Variants in PRL observed in about 807,000 individuals in gnomAD.
The protein encoded by PRL is decidual prolactin.
PRL carries 24 observed loss-of-function variants against 21.3 expected under a neutral mutation model. The observed-to-expected ratio is 1.13, with a 90% CI of 0.82 to 1.59. The LOEUF (loss-of-function observed/expected upper bound fraction) is 1.59. Ranked by LOEUF, PRL falls within the 40% of genes most tolerant of loss-of-function variation. The probability of loss-of-function intolerance (pLI) is 0.00; values close to 1 mark genes in which losing one functional copy is unlikely to be tolerated. For missense variants in PRL, 243 were observed against 286.9 expected (o/e 0.85, Z 1.10); for synonymous variants, 118 against 115.7 (o/e 1.02, Z -0.13).
In PRL at chr6:22,288,874, A is replaced by ATGCGCG. The variant is rs749222011; in HGVS notation, c.493-1287_493-1282dup. 4.6e-5 allele frequency among the ~76,000 whole-genome samples: 7 copies of ATGCGCG among 151,192 alleles called. No homozygotes were observed. Among genetic ancestry groups the ATGCGCG allele is most frequent in the Non-Finnish European group, 8.8e-5 (6 of 67,816 alleles). On this transcript the variant is annotated intron_variant, in intron 4 of 4. Coordinates refer to ENST00000306482, the MANE Select transcript of PRL (RefSeq NM_000948.6). This position sits in a 1 kb window ranked among gnomAD's most constrained non-coding sequence, Gnocchi z 4.5. ...TGGAATTTAAAGTGTGTGTGTGTGT[A>ATGCGCG]TGCGCGTGCGCGTGTGTGTGCGTGT...
chr6:22,301,359 A>G (rs181465980), upstream of PRL, among the ~76,000 whole-genome samples: 324 of 152,332 alleles, frequency 2.1e-3, 1 homozygote, highest in Admixed American at 8.2e-3. Context: ...TAGAACAGAA[A>G]GCTATAGCGA....
At position 22,294,500 on chromosome 6, in the gene PRL, C is replaced by T. The variant is rs751952340; in HGVS notation, c.113G>A (p.Arg38Gln). The T allele has an allele frequency of 6.2e-6, 10 of 1,613,998 alleles. No individual in the cohort carries two copies. The Admixed American group carries it at 1.2e-4, about 19-fold the overall frequency. The change falls in exon 2 of 5, where the codon CGA becomes CAA. Residue 38 changes from arginine (R) to glutamine (Q), a missense_variant. Arg to Gln is a conservative substitution (Grantham distance 43). Transcript: ENST00000306482. ...PLPICPGGAA[R>Q]CQVTLRDLFD... ...CAGGTCTCGAAGGGTCACCTGGCAT[C>T]GGGCAGCCCCGCCGGGACAGATGGG...
intron 4 of PRL, among the ~76,000 whole-genome samples, chr6:22,289,180 A>G (rs185592854): frequency 1.7e-4 from 26 of 152,306 alleles, no homozygotes; most frequent in Admixed American, 1.6e-3. Flanking sequence ...AAATCAAGGT[A>G]TTTATTTCAC....
chr6:22,290,441 T>C, intron 3 of PRL, 88 bp from the exon 4 acceptor site: 1 of 1,106,630 alleles, frequency 9.0e-7, no homozygotes, highest in Non-Finnish European at 1.2e-6. Context: ...GAGGCTGTAC[T>C]GAAATATCTT....
At chr6:22,292,681 T>A in intron 2 of PRL, 36 bp from the exon 3 acceptor site, 1 of 1,559,562 alleles carries the variant, frequency 6.4e-7, no homozygotes, top group Non-Finnish European at 8.8e-7. Flanking sequence ...TAGTTGGGGT[T>A]GTTTGGGCAT....
At chr6:22,300,424 A>G (rs1464100894), upstream of PRL, among the ~76,000 whole-genome samples, 3 of 152,222 alleles carry the variant, frequency 2.0e-5, no homozygotes, top group Non-Finnish European at 4.4e-5. Flanking sequence ...CAGATGTCCA[A>G]ATAAGGCAAA....
chr6:22,289,270 T>A (rs1369210378), intron 4 of PRL, among the ~76,000 whole-genome samples: 3 of 152,194 alleles, frequency 2.0e-5, no homozygotes, highest in African/African-American at 7.2e-5. Context: ...TGATACATGA[T>A]AACATGTACT....
At chr6:22,289,852 C>T (rs563836832) in intron 4 of PRL, among the ~76,000 whole-genome samples, 1 of 152,126 alleles carries the variant, frequency 6.6e-6, no homozygotes, top group African/African-American at 2.4e-5. Flanking sequence ...GGATACCCTG[C>T]AGAAAGCATG....
intron 1 of PRL, 86 bp from the exon 2 acceptor site, chr6:22,294,670 G>T (rs1381355154): frequency 7.2e-7 from 1 of 1,395,102 alleles, no homozygotes; most frequent in Admixed American, 2.6e-5. Flanking sequence ...AAGCCTTATT[G>T]CTCCCCACTG....
intron 1 of PRL, among the ~76,000 whole-genome samples, chr6:22,296,528 A>T (rs1387928028): frequency 6.6e-6 from 1 of 152,240 alleles, no homozygotes; most frequent in Non-Finnish European, 1.5e-5. Flanking sequence ...GAGTTGTGGC[A>T]AATTGGACCC....
At chr6:22,300,092 C>G (rs1022888081), upstream of PRL, among the ~76,000 whole-genome samples, 1 of 151,984 alleles carries the variant, frequency 6.6e-6, no homozygotes, top group Non-Finnish European at 1.5e-5. Flanking sequence ...TTAAATAGGA[C>G]GTGTGCTGTT....
rs1184796261 is a variant in PRL, at chr6:22,288,905, CGCGCGTGTGTGTGCGT to C, written c.492+1253_492+1268del. 2.1e-5 allele frequency among the ~76,000 whole-genome samples: 3 copies of C among 146,084 alleles called. No individual in the cohort carries two copies. The highest frequency in any genetic ancestry group is 2.2e-4 in the South Asian group (1 of 4,554). On this transcript the variant is annotated intron_variant, in intron 4 of 4. Coordinates refer to ENST00000306482, the MANE Select transcript of PRL (RefSeq NM_000948.6). The surrounding 1 kb of genome is among the most constrained non-coding windows in gnomAD (Gnocchi z 4.5). ...GTGCGCGTGTGTGTGCGTGTGTGCG[CGCGCGTGTGTGTGCGT>C]GCGCGTGTGTGTGCATGTGTGTGTG...
chr6:22,294,966 A>G (rs532003828), intron 1 of PRL, among the ~76,000 whole-genome samples: 1 of 151,012 alleles, frequency 6.6e-6, no homozygotes, highest in East Asian at 1.9e-4. Context: ...GCACTTTGTA[A>G]TTTTTTTTTT....
At chr6:22,296,874 T>C in intron 1 of PRL, 81 bp downstream of exon 1, 3 of 1,467,740 alleles carry the variant, frequency 2.0e-6, no homozygotes, top group Non-Finnish European at 2.8e-6. Flanking sequence ...CTGCAAGCTC[T>C]TGTTATTAGT....
chr6:22,299,995 TTAAA>T (rs546050860), upstream of PRL, among the ~76,000 whole-genome samples: 39 of 152,322 alleles, frequency 2.6e-4, no homozygotes, highest in African/African-American at 9.1e-4. Context: ...GTGAATTGTC[TTAAA>T]TAAAATGAAA....
upstream of PRL, among the ~76,000 whole-genome samples, chr6:22,300,646 G>GT (rs1362944173): frequency 6.6e-6 from 1 of 152,064 alleles, no homozygotes; most frequent in East Asian, 1.9e-4. Context: ...ACATGCTTTT[G>GT]TTTTTTTGGA....
At position 22,287,600 on chromosome 6, in the gene PRL, A is replaced by C; in HGVS notation, c.493-7T>G. 6.3e-7 allele frequency: 1 copy of C among 1,580,010 alleles called. No homozygotes were observed. The highest frequency in any genetic ancestry group is 8.6e-7 in the Non-Finnish European group (1 of 1,159,182). Reference sequence around the variant, plus strand: ...CTTTGGTTTCAGGATGAACCTAATCACACAAAAAAAGAGTGACTTATTCTT... The same window carrying C: ...CTTTGGTTTCAGGATGAACCTAATCCCACAAAAAAAGAGTGACTTATTCTT... On this transcript the variant is annotated splice_region_variant and splice_polypyrimidine_tract_variant and intron_variant, in intron 4 of 4. Coordinates refer to ENST00000306482, the MANE Select transcript of PRL (RefSeq NM_000948.6).
intron 3 of PRL, among the ~76,000 whole-genome samples, chr6:22,291,195 C>T (rs1246104829): frequency 6.6e-6 from 1 of 152,038 alleles, no homozygotes; most frequent in Non-Finnish European, 1.5e-5. Context: ...ATGGACATTG[C>T]AATGGAAACA....
At chr6:22,295,875 C>A (rs923207765) in intron 1 of PRL, among the ~76,000 whole-genome samples, 1 of 152,074 alleles carries the variant, frequency 6.6e-6, no homozygotes, top group Non-Finnish European at 1.5e-5. Context: ...TGAAAAAGTA[C>A]CTAAACCTAA....
Sources: gnomAD v4.1 joint callset for allele counts (sites outside exome capture counted in the v4.1 genomes callset) on GRCh38, gnomAD v4.1.1 for gene constraint, Gnocchi (gnomAD v3.1) non-coding constraint, MANE v1.5 for transcripts, NCBI Gene and HGNC (gene_info 2026-07-23, HGNC 2026-07-21) for gene names.